VWA3B: variants seen among roughly 807,000 people sequenced by gnomAD.
VWA3B encodes the protein von Willebrand factor A domain containing 3B, also known as von Willebrand factor A domain-containing protein 3B.
VWA3B carries 138 observed loss-of-function variants against 158.3 expected under a neutral mutation model. The ratio of observed to expected loss-of-function variants is 0.87; its 90% CI spans 0.76 to 1.00. The LOEUF (loss-of-function observed/expected upper bound fraction) is 1.00. Among genes scored for constraint, VWA3B ranks in the 50% least tolerant of loss-of-function variants. The pLI is 0.00. For synonymous variants in VWA3B, 596 were observed against 587.3 expected (o/e 1.01, Z -0.21); for missense variants, 1,555 against 1,565.1 (o/e 0.99, Z 0.11).
chr2:98,220,573 AC>A (rs1684410060), intron 14 of VWA3B, among the ~76,000 whole-genome samples: 2 of 152,148 alleles, frequency 1.3e-5, no homozygotes, highest in African/African-American at 4.8e-5. Flanking sequence ...AACCAGAAAT[AC>A]CATTTGACCC....
chr2:98,165,363 T>A (rs552120612), intron 8 of VWA3B, among the ~76,000 whole-genome samples: 18 of 152,330 alleles, frequency 1.2e-4, no homozygotes, highest in Non-Finnish European at 1.5e-5. Context: ...GTAAAAATAC[T>A]GATATCTGCT....
chr2:98,181,053 A>G lies in VWA3B; in HGVS notation c.1152A>G (p.Pro384=). The part of the protein sequence containing the change: ...ETTSVEIASN[P]EDTWDSKTWL... ...CCTCTGTTGAGATTGCATCGAATCC[A>G]GAAGACACCTGGGACTCTAAGACAT... is the stretch of plus-strand genomic sequence containing the variant. The change falls in exon 9 of 28, where the codon CCA becomes CCG. Residue 384 remains proline, a synonymous_variant. Transcript: ENST00000477737. 6.2e-7 allele frequency: 1 copy of G among 1,614,234 alleles called. No individual in the cohort carries two copies. The highest frequency in any genetic ancestry group is 8.5e-7 in the Non-Finnish European group (1 of 1,180,040).
At chr2:98,306,256 TC>T (rs1357280475) in intron 26 of VWA3B, among the ~76,000 whole-genome samples, 1 of 152,028 alleles carries the variant, frequency 6.6e-6, no homozygotes, top group Non-Finnish European at 1.5e-5. Flanking sequence ...AAAGAAAATT[TC>T]CTTTGCATTG....
intron 13 of VWA3B, chr2:98,216,654 G>A (rs1369795463): frequency 1.3e-5 from 6 of 465,996 alleles, no homozygotes; most frequent in Non-Finnish European, 2.2e-5. Flanking sequence ...CAGAGGGAAT[G>A]GGGAAAGTGG....
chr2:98,232,400 TTTTC>T (rs1301840604), intron 16 of VWA3B, among the ~76,000 whole-genome samples: 1 of 152,190 alleles, frequency 6.6e-6, no homozygotes, highest in African/African-American at 2.4e-5. Context: ...GCTTTCTTGC[TTTTC>T]TTTCTATTTG....
chr2:98,229,414 C>T (rs565795334), intron 15 of VWA3B, among the ~76,000 whole-genome samples: 8 of 152,188 alleles, frequency 5.3e-5, no homozygotes, highest in Non-Finnish European at 1.2e-4. Flanking sequence ...GGAGGGCACA[C>T]GTCACAGTGT....
Position 98,119,729 on chromosome 2 carries a change from C to T in VWA3B, c.508C>T (p.Gln170Ter). ...GGCTCTAACAATGGTTCTCCAGGAG[C>T]AGGTGGCTCACATAACCGAGTTCAA... is the stretch of plus-strand genomic sequence containing the variant. Reference protein sequence around the residue: ...REALTMVLQEQVAHITEFNII... With the variant: ...REALTMVLQE Residue 170 changes from glutamine (Q) to a stop codon, truncating the protein, a stop_gained, in exon 4 of 28, where the codon CAG (glutamine) becomes TAG (stop). Transcript: ENST00000477737. LOFTEE classifies it high-confidence loss of function. 1 of 1,614,124 alleles carries T rather than the reference C, an allele frequency of 6.2e-7. No homozygotes were observed. Among genetic ancestry groups the T allele is most frequent in the Non-Finnish European group, 8.5e-7 (1 of 1,180,018 alleles).
chr2:98,128,472 T>C lies in VWA3B; in HGVS notation c.872+64T>C, dbSNP rs181923801. The C allele has an allele frequency of 1.0e-5, 16 of 1,566,054 alleles. No individual in the cohort carries two copies. In the East Asian group the frequency reaches 3.4e-4, roughly 33 times the overall value. ...TTGCCTGCTCACACAGGATCAACAG[T>C]GGGTCTTGCATTCTTCGTGGCTTTA... On this transcript the variant is annotated intron_variant, in intron 6 of 27. Coordinates refer to ENST00000477737, the MANE Select transcript of VWA3B (RefSeq NM_144992.5).
At chr2:98,212,281 C>T in intron 13 of VWA3B, 1 of 329,276 alleles carries the variant, frequency 3.0e-6, no homozygotes, top group Non-Finnish European at 5.6e-6. Context: ...GGAGACCAGC[C>T]CCACAAAAGG....
chr2:98,166,799 T>TACACACACACACAC (rs58860649), intron 8 of VWA3B, among the ~76,000 whole-genome samples: 23,433 of 145,730 alleles, frequency 0.16, 1,982 homozygotes, highest in Non-Finnish European at 0.17. Flanking sequence ...TTTAATCTAA[T>TACACACACACACAC]ACACACACAC....
intron 5 of VWA3B, among the ~76,000 whole-genome samples, chr2:98,123,656 G>A (rs1675140785): frequency 6.6e-6 from 1 of 152,218 alleles, no homozygotes; most frequent in South Asian, 2.1e-4. Flanking sequence ...CTCACTGGGA[G>A]GGCAGCACGT....
rs372053450 is a variant in VWA3B, at chr2:98,236,382, T to C, written c.2429-8T>C. 2.4e-5 allele frequency: 38 copies of C among 1,614,144 alleles called. No individual in the cohort carries two copies. The African/African-American group carries it at 4.1e-4, about 18-fold the overall frequency. The stretch of plus-strand genomic sequence containing the variant: ...GAAAATATACAACTGCCACTTCCCC[T>C]TCCACAGAAATGAGCATCTTGCTGG... On this transcript the variant is annotated splice_region_variant and splice_polypyrimidine_tract_variant and intron_variant, in intron 17 of 27. Transcript: ENST00000477737.
At chr2:98,285,670 A>G (rs544243344) in intron 22 of VWA3B, among the ~76,000 whole-genome samples, 2 of 152,042 alleles carry the variant, frequency 1.3e-5, no homozygotes, top group Admixed American at 6.5e-5. Context: ...CAAAAGAAAA[A>G]AAAAAAAGCA....
chr2:98,318,653 A>T, the VWA3B span, among the ~76,000 whole-genome samples: 1 of 152,188 alleles, frequency 6.6e-6, no homozygotes, highest in African/African-American at 2.4e-5. Context: ...TGATGAAATA[A>T]TCTGTATAAC....
chr2:98,215,047 T>A (rs1490269951), intron 13 of VWA3B, among the ~76,000 whole-genome samples: 3 of 152,170 alleles, frequency 2.0e-5, no homozygotes, highest in Non-Finnish European at 4.4e-5. Flanking sequence ...ATAATATGTA[T>A]AAAAATACAC....
chr2:98,099,668 C>G (rs1050882742), intron 2 of VWA3B, among the ~76,000 whole-genome samples: 1 of 152,102 alleles, frequency 6.6e-6, no homozygotes, highest in Non-Finnish European at 1.5e-5. Context: ...TTTACTCTTT[C>G]TACCCCTTTA....
intron 26 of VWA3B, 72 bp from the exon 27 acceptor site, chr2:98,311,747 G>A: frequency 2.8e-6 from 4 of 1,452,450 alleles, no homozygotes; most frequent in Non-Finnish European, 3.6e-6. Context: ...GCAGCCGTGG[G>A]GATGGCTTGG....
At chr2:98,204,495 G>A (rs533108979) in intron 12 of VWA3B, among the ~76,000 whole-genome samples, 1 of 152,256 alleles carries the variant, frequency 6.6e-6, no homozygotes, top group Non-Finnish European at 1.5e-5. Flanking sequence ...ATCCTTTTCT[G>A]TGCAAATTGA....
At chr2:98,221,122 A>G (rs957953463) in intron 14 of VWA3B, among the ~76,000 whole-genome samples, 1 of 151,118 alleles carries the variant, frequency 6.6e-6, no homozygotes, top group African/African-American at 2.4e-5. Flanking sequence ...ATATCCTGGA[A>G]CTTAAAGTAA....
Sources: gnomAD v4.1 joint callset for allele counts (sites outside exome capture counted in the v4.1 genomes callset) on GRCh38, gnomAD v4.1.1 for gene constraint, MANE v1.5 for transcripts, NCBI Gene and HGNC (gene_info 2026-07-23, HGNC 2026-07-21) for gene names.